The following PTPRS variants were observed in gnomAD, a reference collection of about 807,000 sequenced individuals.
PTPRS encodes receptor-type tyrosine-protein phosphatase S.
A neutral mutation model predicts 215.3 loss-of-function variants in PTPRS; 63 were observed. The observed-to-expected ratio is 0.29, with a 90% CI of 0.24 to 0.36. The LOEUF is 0.36. Among genes scored for constraint, PTPRS ranks in the 10% least tolerant of loss-of-function variants. PTPRS has a pLI of 1.00. For synonymous variants in PTPRS, 1,404 were observed against 1,191.4 expected (o/e 1.18, Z -3.68); for missense variants, 2,258 against 2,825.8 (o/e 0.80, Z 4.56).
chr19:5,257,338 C>T lies in PTPRS; in HGVS notation c.706+679G>A. 4.6e-6 allele frequency: 2 copies of T among 438,610 alleles called. No homozygotes were observed. Among genetic ancestry groups the T allele is most frequent in the Non-Finnish European group, 9.3e-6 (2 of 215,498 alleles). 27.2% of individuals were successfully genotyped at this position (438,610 alleles called of 1,614,324 possible). On this transcript the variant is annotated intron_variant, in intron 8 of 37. Transcript: ENST00000262963. The surrounding 1 kb of genome is among the most constrained non-coding windows in gnomAD (Gnocchi z 4.4). ...TGAGAGTAACAAGCTTCGCTGGGTGCCGTGCCTGCCCCAGCTCGGTGCAAC... is the reference window on the plus strand; with the variant it reads ...TGAGAGTAACAAGCTTCGCTGGGTGTCGTGCCTGCCCCAGCTCGGTGCAAC...
At chr19:5,320,525 G>A (rs554632590) in intron 1 of PTPRS, among the ~76,000 whole-genome samples, 84 of 152,260 alleles carry the variant, frequency 5.5e-4, no homozygotes, top group African/African-American at 1.9e-3. Flanking sequence ...TGCCTCAAAC[G>A]ATTCTCCTGC....
At chr19:5,333,874 A>AATGC (rs1247714228) in intron 1 of PTPRS, among the ~76,000 whole-genome samples, 2 of 152,192 alleles carry the variant, frequency 1.3e-5, no homozygotes, top group Non-Finnish European at 2.9e-5. Context: ...TATTCGAATG[A>AATGC]ATGCATGCAT....
At chr19:5,238,536 C>G (rs1228597192) in intron 13 of PTPRS, among the ~76,000 whole-genome samples, 4 of 152,204 alleles carry the variant, frequency 2.6e-5, no homozygotes. Flanking sequence ...ACGGTACCCT[C>G]AAAATGCCTG....
chr19:5,252,931 A>G (rs917264603), intron 9 of PTPRS, among the ~76,000 whole-genome samples: 6 of 151,446 alleles, frequency 4.0e-5, no homozygotes, highest in African/African-American at 1.2e-4. Context: ...TGATGTCTCC[A>G]GCTTTTTCCA....
chr19:5,306,486 C>T (rs942064090), intron 1 of PTPRS, among the ~76,000 whole-genome samples: 5 of 151,974 alleles, frequency 3.3e-5, no homozygotes, highest in Non-Finnish European at 7.4e-5. Context: ...ATATTCTGTT[C>T]GAATCATGGC....
chr19:5,218,351 G>A (rs1251175615), intron 25 of PTPRS, 69 bp downstream of exon 25: 3 of 1,438,236 alleles, frequency 2.1e-6, no homozygotes, highest in Non-Finnish European at 2.9e-6. Flanking sequence ...CCCCAGGGTG[G>A]CAGCTACTGC....
At chr19:5,263,236 C>T (rs1332205924) in intron 5 of PTPRS, among the ~76,000 whole-genome samples, 1 of 152,108 alleles carries the variant, frequency 6.6e-6, no homozygotes, top group Non-Finnish European at 1.5e-5. Flanking sequence ...CCACCGCTCC[C>T]CCTGCTTGCA....
At chr19:5,279,391 G>A (rs1216424180) in intron 2 of PTPRS, among the ~76,000 whole-genome samples, 1 of 149,992 alleles carries the variant, frequency 6.7e-6, no homozygotes, top group Non-Finnish European at 1.5e-5. Context: ...TTTTTTTACA[G>A]AGACAGGGTC....
In PTPRS at chr19:5,210,633, G is replaced by T; in HGVS notation, c.5362-39C>A. ...GGCGGCCGTGGTCAGCGCTGTCTGA[G>T]CCACAGTCTGGCCCTCGCCCTTCCC... On this transcript the variant is annotated intron_variant, in intron 34 of 37. Transcript: ENST00000262963. The surrounding 1 kb of genome is among the most constrained non-coding windows in gnomAD (Gnocchi z 4.5). The T allele has an allele frequency of 1.2e-6, 2 of 1,614,074 alleles. No individual in the cohort carries two copies. Among genetic ancestry groups the T allele is most frequent in the Non-Finnish European group, 8.5e-7 (1 of 1,180,002 alleles).
chr19:5,271,708 T>TATTCATTC (rs532699217), intron 4 of PTPRS, among the ~76,000 whole-genome samples: 4 of 151,220 alleles, frequency 2.6e-5, no homozygotes, highest in African/African-American at 9.8e-5. Context: ...ATTTCATTTT[T>TATTCATTC]ATTCATTCAT....
intron 9 of PTPRS, among the ~76,000 whole-genome samples, 192 bp downstream of exon 9, chr19:5,255,912 GTTTT>G (rs946927044): frequency 6.6e-6 from 1 of 152,118 alleles, no homozygotes; most frequent in African/African-American, 2.4e-5. Context: ...TCGCTTGGCG[GTTTT>G]TTGTTTAGTT....
At chr19:5,243,583 G>A (rs62115088) in intron 11 of PTPRS, among the ~76,000 whole-genome samples, 5 of 151,714 alleles carry the variant, frequency 3.3e-5, no homozygotes, top group Non-Finnish European at 7.4e-5. Flanking sequence ...GGGTTCAAGT[G>A]ATTCTCCTGC....
intron 1 of PTPRS, among the ~76,000 whole-genome samples, chr19:5,318,997 T>G (rs2049954181): frequency 2.0e-5 from 3 of 152,268 alleles, no homozygotes; most frequent in Non-Finnish European, 2.9e-5. Flanking sequence ...CCTCCATATT[T>G]GTCCCTGAAA....
chr19:5,224,776 T>C (rs542363050), intron 17 of PTPRS, among the ~76,000 whole-genome samples: 2 of 151,912 alleles, frequency 1.3e-5, no homozygotes, highest in East Asian at 1.9e-4. Flanking sequence ...TTGGAGGAGG[T>C]GGCGTTAGAG....
At position 5,278,443 on chromosome 19, in the gene PTPRS, C is replaced by T. The variant is rs548582385; in HGVS notation, c.92-4099G>A. ...CTGGTCTCAAACTCCTGTCCTCAAG[C>T]GATCCTCTCACCTCGAGATGCTTTT... On this transcript the variant is annotated intron_variant, in intron 2 of 37. Coordinates refer to ENST00000262963, the MANE Select transcript of PTPRS (RefSeq NM_002850.4). Among the ~76,000 whole-genome samples, 10 of 151,080 alleles carry T rather than the reference C, an allele frequency of 6.6e-5. No individual in the cohort carries two copies. The South Asian group carries it at 1.7e-3, about 25-fold the overall frequency.
rs138304023 is a variant in PTPRS, at chr19:5,285,277, C to T, written c.91+773G>A. On this transcript the variant is annotated intron_variant, in intron 2 of 37. Transcript: ENST00000262963. ...CAGAACCCAGTCTCTTGCCCTACTGCCCTCATCCCCTATGTCCTCATGGGC... is the reference window on the plus strand; with the variant it reads ...CAGAACCCAGTCTCTTGCCCTACTGTCCTCATCCCCTATGTCCTCATGGGC... 1.5e-4 allele frequency among the ~76,000 whole-genome samples: 23 copies of T among 152,352 alleles called. No individual in the cohort carries two copies. The East Asian group carries it at 3.7e-3, about 24-fold the overall frequency.
Position 5,212,164 on chromosome 19 carries a change from C to T in PTPRS, c.4856G>A (p.Gly1619Asp). 6.2e-7 allele frequency: 1 copy of T among 1,614,056 alleles called. No homozygotes were observed. The highest frequency in any genetic ancestry group is 8.5e-7 in the Non-Finnish European group (1 of 1,180,046). ...IKPEKTVDVY[G>D]HVTLMRSQRN... ...CTGGGACCTCATGAGCGTCACGTGG[C>T]CATAGACATCGACTGTCTTCTCTGG... is the stretch of plus-strand genomic sequence containing the variant. Residue 1619 changes from glycine to aspartate, a missense_variant, in exon 32 of 38, where the codon GGC (glycine) becomes GAC (aspartate). Gly to Asp is a moderately conservative substitution (Grantham distance 94). Coordinates refer to ENST00000262963, the MANE Select transcript of PTPRS (RefSeq NM_002850.4).
intron 19 of PTPRS, 30 bp from the exon 20 acceptor site, chr19:5,221,283 T>C (rs2041953727): frequency 6.3e-7 from 1 of 1,594,414 alleles, no homozygotes; most frequent in Non-Finnish European, 8.6e-7. Context: ...CAGCAGGGCC[T>C]GGTGGGCTCA....
chr19:5,213,391 G>T (rs2041109576), intron 30 of PTPRS, among the ~76,000 whole-genome samples: 1 of 83,970 alleles, frequency 1.2e-5, no homozygotes, highest in Non-Finnish European at 3.0e-5. Context: ...CAGGGCCTCT[G>T]CCCAGGCTGC....
Sources: gnomAD v4.1 joint callset for allele counts (sites outside exome capture counted in the v4.1 genomes callset) on GRCh38, gnomAD v4.1.1 for gene constraint, Gnocchi (gnomAD v3.1) non-coding constraint, MANE v1.5 for transcripts, NCBI Gene and HGNC (gene_info 2026-07-23, HGNC 2026-07-21) for gene names.